The following SLFN14 variants were observed in gnomAD, a reference collection of about 807,000 sequenced individuals.
SLFN14 encodes protein SLFN14.
A neutral mutation model predicts 58.6 loss-of-function variants in SLFN14; 47 were observed. The ratio of observed to expected loss-of-function variants is 0.80; its 90% confidence interval spans 0.64 to 1.02. The LOEUF (loss-of-function observed/expected upper bound fraction) is 1.02, where lower values mean the gene tolerates loss of function less well. SLFN14 is among the 50% of genes least tolerant of loss of function. SLFN14 has a pLI of 0.00. For missense variants in SLFN14, 967 were observed against 1,078.4 expected (o/e 0.90, Z 1.45); for synonymous variants, 390 against 387.3 (o/e 1.01, Z -0.08).
rs1257089793 is a variant in SLFN14 at position 35,557,121 on chromosome 17, C to T, written c.942G>A (p.Val314=). 13 of 1,551,550 alleles carry T rather than the reference C, an allele frequency of 8.4e-6. No individual in the cohort carries two copies. Among genetic ancestry groups the T allele is most frequent in the Non-Finnish European group, 1.1e-5 (13 of 1,146,988 alleles). ...CAAACACCACGCAACAGAAGGGCTC[C>T]ACTTGAATCACACAGACATAACCAT... The part of the protein sequence containing the change: ...VLDGYVCVIQ[V]EPFCCVVFAE... Residue 314 remains valine (V), a synonymous_variant, in exon 3 of 6, where the codon GTG becomes GTA. Transcript: ENST00000674182.
At position 35,545,927 on chromosome 17, in the gene SLFN14, C is replaced by G. The variant is rs527614314; in HGVS notation, c.*2312G>C. On this transcript the variant is annotated 3_prime_UTR_variant, in exon 6 of 6. Transcript: ENST00000674182. ...CGCCCAGGAAATTATAATGAGCATC[C>G]AGGGTTGAGAATCACTGAGTTAGTT... Among the ~76,000 whole-genome samples, 1 of 152,178 alleles carries G rather than the reference C, an allele frequency of 6.6e-6. No individual in the cohort carries two copies. Among genetic ancestry groups the G allele is most frequent in the Admixed American group, 6.5e-5 (1 of 15,276 alleles).
chr17:35,558,181 C>A lies in SLFN14; in HGVS notation c.-44-75G>T, dbSNP rs148545365. 110 of 865,572 alleles carry A rather than the reference C, an allele frequency of 1.3e-4. No individual in the cohort carries two copies. The African/African-American group carries it at 1.7e-3, about 13-fold the overall frequency. 53.6% of individuals were successfully genotyped at this position (865,572 alleles called of 1,614,324 possible). A position where few individuals can be genotyped will look rare whatever the true frequency, so the allele number is the denominator to read the frequency against. Reference sequence around the variant, plus strand: ...ATTACAATATTTTCTTCAAAACTATCAATTACTGGAGATATATTTTAATGT... The same window carrying A: ...ATTACAATATTTTCTTCAAAACTATAAATTACTGGAGATATATTTTAATGT... On this transcript the variant is annotated intron_variant, in intron 2 of 5. Coordinates refer to ENST00000674182, the MANE Select transcript of SLFN14 (RefSeq NM_001129820.2).
Position 35,557,752 on chromosome 17 carries a change from T to C in SLFN14, c.311A>G (p.Asn104Ser). The stretch of plus-strand genomic sequence containing the variant: ...CCATGACTTCACAAAAATCAGGAGA[T>C]TGTGCCCCTGCTGCATGTAGTCAAG... ...KYLDYMQQGH[N>S]LLIFVKSWSP... is the part of the protein sequence containing the mutation. Residue 104 changes from asparagine to serine, a missense_variant, in exon 3 of 6, where the codon AAT becomes AGT. Coordinates refer to ENST00000674182, the MANE Select transcript of SLFN14 (RefSeq NM_001129820.2). 3 of 1,551,694 alleles carry C rather than the reference T, an allele frequency of 1.9e-6. No individual in the cohort carries two copies. Among genetic ancestry groups the C allele is most frequent in the Non-Finnish European group, 2.6e-6 (3 of 1,146,982 alleles).
chr17:35,553,443 CA>C lies in SLFN14; in HGVS notation c.1190del (p.Val397GlyfsTer27). The C allele has an allele frequency of 1.3e-6, 2 of 1,528,646 alleles. No homozygotes were observed. The highest frequency in any genetic ancestry group is 1.8e-6 in the Non-Finnish European group (2 of 1,135,446). The allele number at this position is 1,528,646 out of a possible 1,614,324, so 94.7% of individuals were successfully genotyped here. A position where few individuals can be genotyped will look rare whatever the true frequency, so the allele number is the denominator to read the frequency against. ...KEALQRHLFP[V>X]TQEEVQFKPE... ...GTTTAAATTGTACCTCTTCCTGTGTCACTGAAAATTCAAGGAATAGATGTTA... is the reference window on the plus strand; with the variant it reads ...GTTTAAATTGTACCTCTTCCTGTGTCCTGAAAATTCAAGGAATAGATGTTA... On this transcript the variant is annotated frameshift_variant and splice_region_variant, in exon 5 of 6. Coordinates refer to ENST00000674182, the MANE Select transcript of SLFN14 (RefSeq NM_001129820.2). LOFTEE classifies it high-confidence loss of function.
rs1159665352 is a variant in SLFN14 at position 35,557,535 on chromosome 17, G to C, written c.528C>G (p.Cys176Trp). The C allele has an allele frequency of 9.7e-6, 15 of 1,551,606 alleles. 1 individual carries two copies. The highest frequency in any genetic ancestry group is 1.3e-5 in the Non-Finnish European group (15 of 1,146,992). ...TCCTCATATCTTCCTCTTCCTGAAT[G>C]CATCTATTGAGAACCTGCTGAGGAT... ...KLHPQQVLNR[C>W]IQEEEDMRIL... Residue 176 changes from cysteine to tryptophan, a missense_variant, in exon 3 of 6, where the codon TGC becomes TGG. Coordinates refer to ENST00000674182, the MANE Select transcript of SLFN14 (RefSeq NM_001129820.2).
Position 35,545,676 on chromosome 17 carries a change from T to A in SLFN14, c.*2563A>T, listed in dbSNP as rs555283244. Among the ~76,000 whole-genome samples, 128 of 152,132 alleles carry A rather than the reference T, an allele frequency of 8.4e-4. 2 individuals are homozygous for A. The highest frequency in any genetic ancestry group is 3.4e-3 in the Middle Eastern group (1 of 294). On this transcript the variant is annotated 3_prime_UTR_variant, in exon 6 of 6. Transcript: ENST00000674182. ...TGCCCAACTAAGTTTTTAAAAAAATTTTTTTTGTAGAGATGGGGTCTTGTT... is the reference window on the plus strand; with the variant it reads ...TGCCCAACTAAGTTTTTAAAAAAATATTTTTTGTAGAGATGGGGTCTTGTT...
At position 35,546,176 on chromosome 17, in the gene SLFN14, T is replaced by A. The variant is rs1372990999; in HGVS notation, c.*2063A>T. 6.6e-6 allele frequency among the ~76,000 whole-genome samples: 1 copy of A among 152,230 alleles called. No individual in the cohort carries two copies. On this transcript the variant is annotated 3_prime_UTR_variant, in exon 6 of 6. Transcript: ENST00000674182. ...TCATACTCTGTTGACTTTGACTGTT[T>A]AAATTATTTTTATAGAATTCATACA...
intron 5 of SLFN14, among the ~76,000 whole-genome samples, chr17:35,551,689 G>A (rs545822922): frequency 4.6e-5 from 7 of 152,200 alleles, no homozygotes; most frequent in East Asian, 1.9e-4. Flanking sequence ...AGCAGTAGTC[G>A]TTCAAAATAG....
intron 3 of SLFN14, 138 bp from the exon 4 acceptor site, chr17:35,554,842 G>T: frequency 1.7e-6 from 1 of 580,336 alleles, no homozygotes; most frequent in Non-Finnish European, 2.6e-6. Flanking sequence ...CTTACTATGC[G>T]TCAGACAGCT....
rs2072607913 is a variant in SLFN14 at position 35,552,779 on chromosome 17, T to C, written c.1855A>G (p.Lys619Glu). The change falls in exon 5 of 6, where the codon AAA becomes GAA. Residue 619 changes from lysine to glutamate, a missense_variant. Lys to Glu is a moderately conservative substitution (Grantham distance 56, BLOSUM62 1). Transcript: ENST00000674182. ...KIKDLFHCKP[K>E]EILYVCESDS... ...CTTTCACAAACATAGAGGATCTCTTTTGGTTTGCAGTGAAACAAGTCCTTA... is the reference window on the plus strand; with the variant it reads ...CTTTCACAAACATAGAGGATCTCTTCTGGTTTGCAGTGAAACAAGTCCTTA... The C allele has an allele frequency of 1.9e-6, 3 of 1,551,430 alleles. No individual in the cohort carries two copies. The highest frequency in any genetic ancestry group is 2.4e-5 in the East Asian group (1 of 40,902).
In SLFN14 at chr17:35,548,678, T is replaced by G; in HGVS notation, c.2300A>C (p.Glu767Ala). The G allele has an allele frequency of 6.4e-7, 1 of 1,551,780 alleles. No homozygotes were observed. Among genetic ancestry groups the G allele is most frequent in the Non-Finnish European group, 8.7e-7 (1 of 1,147,004 alleles). Residue 767 changes from glutamate (E) to alanine (A), a missense_variant, in exon 6 of 6, where the codon GAG becomes GCG. Glu to Ala is a moderately radical substitution (Grantham distance 107, BLOSUM62 -1). Coordinates refer to ENST00000674182, the MANE Select transcript of SLFN14 (RefSeq NM_001129820.2). ...ACACGTTGCTTCCTCATAGGCAGTC[T>G]CGCTGAACAATGCTAATGTGTCTGG... ...MSPDTLALFSETAYEEATCAQ... is the reference protein window; with the variant it reads ...MSPDTLALFSATAYEEATCAQ...
At chr17:35,551,032 T>G (rs1188479198) in intron 5 of SLFN14, among the ~76,000 whole-genome samples, 1 of 152,076 alleles carries the variant, frequency 6.6e-6, no homozygotes, top group African/African-American at 2.4e-5. Context: ...AGGCCATGGA[T>G]TGTGAGAAAA....
At position 35,557,985 on chromosome 17, in the gene SLFN14, T is replaced by C; in HGVS notation, c.78A>G (p.Glu26=). 2 of 1,551,646 alleles carry C rather than the reference T, an allele frequency of 1.3e-6. No homozygotes were observed. The highest frequency in any genetic ancestry group is 1.7e-6 in the Non-Finnish European group (2 of 1,146,990). ...TGTTGGTCATCTTCTTCCTGTTTTCTTCTCCAAAAATCACTCTGCCCACAT... is the reference window on the plus strand; with the variant it reads ...TGTTGGTCATCTTCTTCCTGTTTTCCTCTCCAAAAATCACTCTGCCCACAT... The part of the protein sequence containing the change: ...IVDVGRVIFG[E]ENRKKMTNSC... Residue 26 remains glutamate (E), a synonymous_variant, in exon 3 of 6, where the codon GAA becomes GAG. Coordinates refer to ENST00000674182, the MANE Select transcript of SLFN14 (RefSeq NM_001129820.2).
rs572233110 is a variant in SLFN14 at position 35,553,278 on chromosome 17, C to A, written c.1356G>T (p.Gln452His). The A allele has an allele frequency of 1.3e-6, 2 of 1,551,568 alleles. No individual in the cohort carries two copies. Among genetic ancestry groups the A allele is most frequent in the African/African-American group, 2.7e-5 (2 of 73,036 alleles). Residue 452 changes from glutamine (Q) to histidine (H), a missense_variant, in exon 5 of 6, where the codon CAG becomes CAT. Gln to His is a conservative substitution (Grantham distance 24, BLOSUM62 0). Transcript: ENST00000674182. ...TCAGGAGAGCATCACACAGGACATT[C>A]TGTTCTTTCCTGAAGCCAACATCAC... ...WAGDVGFRKEQNVLCDALLIA... is the reference protein window; with the variant it reads ...WAGDVGFRKEHNVLCDALLIA...
chr17:35,553,022 C>T lies in SLFN14; in HGVS notation c.1612G>A (p.Glu538Lys), dbSNP rs1415049857. The T allele has an allele frequency of 8.4e-6, 13 of 1,551,592 alleles. No homozygotes were observed. The highest frequency in any genetic ancestry group is 3.3e-4 in the Middle Eastern group (2 of 5,990). Residue 538 changes from glutamate (E) to lysine (K), a missense_variant, in exon 5 of 6, where the codon GAG becomes AAG. Coordinates refer to ENST00000674182, the MANE Select transcript of SLFN14 (RefSeq NM_001129820.2). The part of the protein sequence containing the change: ...RYPRSYRLAD[E>K]EEMEDLLQAL... Reference sequence around the variant, plus strand: ...TGCAGCAAGTCTTCCATTTCCTCCTCATCAGCAAGCCTGTAGGACCTGGGG... The same window carrying T: ...TGCAGCAAGTCTTCCATTTCCTCCTTATCAGCAAGCCTGTAGGACCTGGGG...
intron 5 of SLFN14, 110 bp downstream of exon 5, chr17:35,552,620 A>T (rs2072602652): frequency 2.9e-6 from 1 of 346,032 alleles, no homozygotes; most frequent in Non-Finnish European, 4.6e-6. Flanking sequence ...ATGTGTATAT[A>T]TATACACATA....
intron 1 of SLFN14, among the ~76,000 whole-genome samples, 184 bp downstream of exon 1, chr17:35,560,583 C>T (rs964511578): frequency 1.3e-5 from 2 of 152,298 alleles, no homozygotes; most frequent in South Asian, 2.1e-4. Flanking sequence ...CTACCTGAGC[C>T]TCCCAAAGTG....
At position 35,554,750 on chromosome 17, in the gene SLFN14, TAAAAA is replaced by T. The variant is rs10578465; in HGVS notation, c.1061-51_1061-47del. 6.6e-3 allele frequency: 6,788 copies of T among 1,034,512 alleles called. 12 individuals are homozygous for T. The highest frequency in any genetic ancestry group is 0.012 in the Middle Eastern group (43 of 3,726). 64.1% of individuals were successfully genotyped at this position (1,034,512 alleles called of 1,614,324 possible). On this transcript the variant is annotated intron_variant, in intron 3 of 5. Coordinates refer to ENST00000674182, the MANE Select transcript of SLFN14 (RefSeq NM_001129820.2). ...TTGTTTCAGACAAAAAATAAAAAGT[TAAAAA>T]AAAAAAAAAAAAAGCCTCTTTTTTT...
rs765357573 is a variant in SLFN14, at chr17:35,557,680, G to C, written c.383C>G (p.Ser128Cys). Reference sequence around the variant, plus strand: ...AGTCACATCTCTCCGATACAAATTGGAGCGCAAGCTGCAAATCCTTAGTGG... The same window carrying C: ...AGTCACATCTCTCCGATACAAATTGCAGCGCAAGCTGCAAATCCTTAGTGG... ...SLPLRICSLR[S>C]NLYRRDVTSA... The change falls in exon 3 of 6, where the codon TCC becomes TGC. Residue 128 changes from serine to cysteine, a missense_variant. Physicochemically the swap from Ser to Cys is moderately radical, Grantham distance 112 (BLOSUM62 -1). Coordinates refer to ENST00000674182, the MANE Select transcript of SLFN14 (RefSeq NM_001129820.2). 1.9e-5 allele frequency: 29 copies of C among 1,551,540 alleles called. No individual in the cohort carries two copies. In the South Asian group the frequency reaches 3.1e-4, roughly 17 times the overall value.
Sources: gnomAD v4.1 joint callset for allele counts (sites outside exome capture counted in the v4.1 genomes callset) on GRCh38, gnomAD v4.1.1 for gene constraint, MANE v1.5 for transcripts, NCBI Gene and HGNC (gene_info 2026-07-23, HGNC 2026-07-21) for gene names.